Variants in SH3PXD2B observed in about 807,000 individuals in gnomAD.
SH3PXD2B encodes SH3 and PX domain-containing protein 2B.
A neutral mutation model predicts 73.1 loss-of-function variants in SH3PXD2B; 37 were observed. The ratio of observed to expected loss-of-function variants is 0.51; its 90% CI spans 0.39 to 0.67. SH3PXD2B has a LOEUF of 0.67. Among genes scored for constraint, SH3PXD2B ranks in the 30% least tolerant of loss-of-function variants. SH3PXD2B has a pLI of 0.00. For missense variants in SH3PXD2B, 1,053 were observed against 1,197.8 expected, an observed-to-expected ratio of 0.88 and a Z score of 1.78; for synonymous variants, 457 against 480.5, an observed-to-expected ratio of 0.95 and a Z score of 0.64.
chr5:172,350,291 G>A, intron 10 of SH3PXD2B, 72 bp downstream of exon 10: 1 of 1,480,872 alleles, frequency 6.8e-7, no homozygotes, highest in African/African-American at 1.4e-5. Context: ...GAGGGACGAT[G>A]TGAGACGCCT....
chr5:172,366,124 C>T (rs190169584), intron 6 of SH3PXD2B, among the ~76,000 whole-genome samples: 214 of 152,306 alleles, frequency 1.4e-3, no homozygotes, highest in Admixed American at 3.3e-3. Flanking sequence ...GGCAGGCAGT[C>T]GTTGGCTGGT....
rs1342787610 is a variant in SH3PXD2B, at chr5:172,338,544, A to G, written c.2561T>C (p.Leu854Ser). The G allele has an allele frequency of 1.9e-6, 3 of 1,614,136 alleles. No homozygotes were observed. The highest frequency in any genetic ancestry group is 1.3e-5 in the African/African-American group (1 of 75,046). The change falls in exon 13 of 13, where the codon TTG (leucine) becomes TCG (serine). Residue 854 changes from leucine (L) to serine (S), a missense_variant. By Grantham distance (145) the Leu-to-Ser change is moderately radical. Coordinates refer to ENST00000311601, the MANE Select transcript of SH3PXD2B (RefSeq NM_001017995.3). The surrounding 1 kb of genome is among the most constrained non-coding windows in gnomAD (Gnocchi z 5.1). ...VPNADGLKDS[L>S]YVAVADFEGD... ...TTCAAAGTCGGCCACGGCCACATAC[A>G]AAGAGTCCTTCAGGCCGTCGGCATT...
intron 10 of SH3PXD2B, 59 bp downstream of exon 10, chr5:172,350,304 A>G: frequency 6.4e-7 from 1 of 1,554,650 alleles, no homozygotes; most frequent in Non-Finnish European, 8.8e-7. Flanking sequence ...AGACGCCTTG[A>G]GCACAGAGCT....
At chr5:172,401,968 A>G in intron 3 of SH3PXD2B, among the ~76,000 whole-genome samples, 1 of 152,252 alleles carries the variant, frequency 6.6e-6, no homozygotes, top group East Asian at 1.9e-4. Flanking sequence ...TGAAAAAAGA[A>G]CAGGATAACA....
intron 6 of SH3PXD2B, among the ~76,000 whole-genome samples, chr5:172,367,612 T>C (rs1356557903): frequency 6.6e-6 from 1 of 152,204 alleles, no homozygotes; most frequent in Non-Finnish European, 1.5e-5. Flanking sequence ...CTATTTCTTC[T>C]ATAGTAATAG....
In SH3PXD2B at chr5:172,448,751, T is replaced by C. The variant is rs73327346; in HGVS notation, c.75+5527A>G. 3.7e-3 allele frequency among the ~76,000 whole-genome samples: 563 copies of C among 152,270 alleles called. 4 individuals are homozygous for C. Among genetic ancestry groups the C allele is most frequent in the African/African-American group, 0.013 (527 of 41,558 alleles). On this transcript the variant is annotated intron_variant, in intron 1 of 12. Transcript: ENST00000311601. ...GCACCTATTTTACAAATGTAAAAAC[T>C]AAGGGGGGGCATTCGGCCAGTTGTC...
At chr5:172,415,576 T>G (rs1416240069) in intron 2 of SH3PXD2B, among the ~76,000 whole-genome samples, 2 of 152,194 alleles carry the variant, frequency 1.3e-5, no homozygotes, top group African/African-American at 2.4e-5. Context: ...AATACTGACC[T>G]CATGCCTGTG....
Position 172,334,594 on chromosome 5 carries a change from G to A in SH3PXD2B, c.*3775C>T, listed in dbSNP as rs1756643330. ...CCAAAGAGAAAGGTACGGCCTCCAA[G>A]GGGGCAGCTTAAGCCAACATGTAAG... is the stretch of plus-strand genomic sequence containing the variant. On this transcript the variant is annotated 3_prime_UTR_variant, in exon 13 of 13. Transcript: ENST00000311601. 1 of 985,480 alleles carries A rather than the reference G, an allele frequency of 1.0e-6. No individual in the cohort carries two copies. The highest frequency in any genetic ancestry group is 1.2e-6 in the Non-Finnish European group (1 of 829,948). 61.0% of individuals were successfully genotyped at this position (985,480 alleles called of 1,614,324 possible). A position where few individuals can be genotyped will look rare whatever the true frequency, so the allele number is the denominator to read the frequency against.
intron 1 of SH3PXD2B, among the ~76,000 whole-genome samples, chr5:172,424,345 A>C (rs1392452833): frequency 6.6e-6 from 1 of 152,210 alleles, no homozygotes; most frequent in Non-Finnish European, 1.5e-5. Flanking sequence ...GCAGGAGAGG[A>C]AGGCAGTGGC....
intron 7 of SH3PXD2B, among the ~76,000 whole-genome samples, chr5:172,359,859 T>C (rs1444578535): frequency 2.0e-5 from 3 of 152,018 alleles, no homozygotes; most frequent in Non-Finnish European, 4.4e-5. Flanking sequence ...ATCCCAGGGG[T>C]CCTTAATATG....
At chr5:172,444,733 C>G (rs564789306) in intron 1 of SH3PXD2B, among the ~76,000 whole-genome samples, 157 of 152,232 alleles carry the variant, frequency 1.0e-3, no homozygotes, top group African/African-American at 3.5e-3. Context: ...GTGCTCTGCT[C>G]CCTGGATTCA....
At position 172,338,460 on chromosome 5, in the gene SH3PXD2B, T is replaced by C. The variant is rs769448762; in HGVS notation, c.2645A>G (p.Asn882Ser). 39 of 1,614,190 alleles carry C rather than the reference T, an allele frequency of 2.4e-5. 1 individual carries two copies. The East Asian group carries it at 8.5e-4, about 35-fold the overall frequency. The change falls in exon 13 of 13, where the codon AAC becomes AGC. Residue 882 changes from asparagine (N) to serine (S), a missense_variant. Asn to Ser is a conservative substitution (Grantham distance 46). This residue lies in a region of SH3PXD2B where 587 missense variants were observed against 590.7 expected (regional missense o/e 0.99). Coordinates refer to ENST00000311601, the MANE Select transcript of SH3PXD2B (RefSeq NM_001017995.3). This position sits in a 1 kb window ranked among gnomAD's most constrained non-coding sequence, Gnocchi z 5.1. ...CTGGCAGAACCACCAGCCACTGCTG[T>C]TCTTCTCCCGGACTTCAAACACTGT... is the stretch of plus-strand genomic sequence containing the variant. ...EGTVFEVREKNSSGWWFCQVL... is the reference protein window; with the variant it reads ...EGTVFEVREKSSSGWWFCQVL...
At position 172,334,959 on chromosome 5, in the gene SH3PXD2B, G is replaced by A. The variant is rs1340452162; in HGVS notation, c.*3410C>T. The A allele has an allele frequency of 5.1e-6, 5 of 985,294 alleles. No individual in the cohort carries two copies. The highest frequency in any genetic ancestry group is 6.0e-6 in the Non-Finnish European group (5 of 829,956). The allele number at this position is 985,294 out of a possible 1,614,324, so 61.0% of individuals were successfully genotyped here. A position where few individuals can be genotyped will look rare whatever the true frequency, so the allele number is the denominator to read the frequency against. ...GTGGCAGAGGTTTAAAATGACTACC[G>A]TAACCTGGCATGGGCTCCAGCGATC... On this transcript the variant is annotated 3_prime_UTR_variant, in exon 13 of 13. Coordinates refer to ENST00000311601, the MANE Select transcript of SH3PXD2B (RefSeq NM_001017995.3).
rs1165329227 is a variant in SH3PXD2B, at chr5:172,368,894, AT to A, written c.427+4895del. Among the ~76,000 whole-genome samples, 651 of 137,944 alleles carry A rather than the reference AT, an allele frequency of 4.7e-3. 5 individuals are homozygous for A. The highest frequency in any genetic ancestry group is 0.017 in the African/African-American group (614 of 37,130). 90.5% of individuals were successfully genotyped at this position (137,944 alleles called of 152,430 possible). ...TTAAATATATAATATAAAAAAAAAT[AT>A]ATATATATATATTTTTGAGACGGAG... On this transcript the variant is annotated intron_variant, in intron 6 of 12. Coordinates refer to ENST00000311601, the MANE Select transcript of SH3PXD2B (RefSeq NM_001017995.3).
In SH3PXD2B at chr5:172,451,839, C is replaced by T. The variant is rs75333058; in HGVS notation, c.75+2439G>A. On this transcript the variant is annotated intron_variant, in intron 1 of 12. Coordinates refer to ENST00000311601, the MANE Select transcript of SH3PXD2B (RefSeq NM_001017995.3). ...AGGGATCTGTTTCCATTGGGTTTGG[C>T]CCCCCTGCCATCAAGGCAGTAAATG... Among the ~76,000 whole-genome samples, 695 of 152,302 alleles carry T rather than the reference C, an allele frequency of 4.6e-3. 7 individuals carry two copies. The highest frequency in any genetic ancestry group is 0.016 in the African/African-American group (672 of 41,580).
At chr5:172,415,422 A>G (rs1486758734) in intron 2 of SH3PXD2B, among the ~76,000 whole-genome samples, 1 of 152,090 alleles carries the variant, frequency 6.6e-6, no homozygotes, top group Non-Finnish European at 1.5e-5. Context: ...TTGAAAGGCA[A>G]TCCCGGGGCC....
chr5:172,346,129 C>A lies in SH3PXD2B; in HGVS notation c.1188+7G>T. ...CAAGTAGGCAAAGGAACACCAGGGC[C>A]ACTCACCTCGACCTTCAGGCCTGCC... On this transcript the variant is annotated splice_region_variant and intron_variant, in intron 12 of 12. Coordinates refer to ENST00000311601, the MANE Select transcript of SH3PXD2B (RefSeq NM_001017995.3). 6.2e-7 allele frequency: 1 copy of A among 1,614,072 alleles called. No homozygotes were observed. The highest frequency in any genetic ancestry group is 8.5e-7 in the Non-Finnish European group (1 of 1,179,966).
At chr5:172,391,306 G>C (rs1758185907) in intron 4 of SH3PXD2B, among the ~76,000 whole-genome samples, 1 of 152,152 alleles carries the variant, frequency 6.6e-6, no homozygotes, top group Non-Finnish European at 1.5e-5. Context: ...CTATTCATGT[G>C]TTTACTAGTC....
At chr5:172,382,186 C>G in intron 4 of SH3PXD2B, 59 bp from the exon 5 acceptor site, 1 of 1,382,822 alleles carries the variant, frequency 7.2e-7, no homozygotes, top group Non-Finnish European at 1.0e-6. Flanking sequence ...CATGGTGGCA[C>G]GCGCCTATAA....
Sources: allele counts gnomAD v4.1 joint callset (sites outside exome capture counted in the v4.1 genomes callset), GRCh38; gene constraint gnomAD v4.1.1; regional missense constraint gnomAD v4.1.1; non-coding constraint Gnocchi (gnomAD v3.1); transcripts MANE v1.5; gene names NCBI Gene and HGNC (gene_info 2026-07-23, HGNC 2026-07-21).